PRDM16: variants seen among roughly 807,000 people sequenced by gnomAD.
The protein encoded by PRDM16 is histone-lysine N-methyltransferase PRDM16.
PRDM16 carries 23 observed loss-of-function variants against 110.6 expected under a neutral mutation model. That is an observed-to-expected ratio of 0.21 (90% CI 0.15 to 0.29). The LOEUF (loss-of-function observed/expected upper bound fraction) is 0.29. Ranked by LOEUF, PRDM16 falls within the 10% of genes least tolerant of loss-of-function variation. The pLI, the probability that PRDM16 is intolerant of heterozygous loss-of-function variation, is 1.00. For synonymous variants in PRDM16, 799 were observed against 781.8 expected (o/e 1.02, Z -0.37); for missense variants, 1,615 against 1,794.3 (o/e 0.90, Z 1.81).
chr1:3,135,565 C>G lies in PRDM16; in HGVS notation c.38-50560C>G, dbSNP rs150853505. ...TGTCCCAGCCCGACCGAGCCCTCCC[C>G]CTCCGTGGCCCGCAGGTGACACACC... is the stretch of plus-strand genomic sequence containing the variant. On this transcript the variant is annotated intron_variant, in intron 1 of 16. Transcript: ENST00000270722. Among the ~76,000 whole-genome samples the G allele has an allele frequency of 4.6e-5, 7 of 152,254 alleles. No homozygotes were observed. In the East Asian group the frequency reaches 7.8e-4, roughly 17 times the overall value.
intron 14 of PRDM16, among the ~76,000 whole-genome samples, chr1:3,426,917 G>T (rs1189328472): frequency 6.6e-6 from 1 of 152,042 alleles, no homozygotes; most frequent in African/African-American, 2.4e-5. Flanking sequence ...CCAAATACGG[G>T]CATGCACGTG....
intron 1 of PRDM16, among the ~76,000 whole-genome samples, chr1:3,176,933 C>T (rs1057513275): frequency 6.6e-6 from 1 of 152,014 alleles, no homozygotes; most frequent in African/African-American, 2.4e-5. Flanking sequence ...TCCATCCACC[C>T]ATTCATTCAC....
rs766611896 is a variant in PRDM16 at position 3,396,556 on chromosome 1, C to T, written c.639C>T (p.Gly213=). The T allele has an allele frequency of 9.3e-6, 15 of 1,604,768 alleles. No individual in the cohort carries two copies. The highest frequency in any genetic ancestry group is 4.5e-5 in the East Asian group (2 of 44,620). The change falls in exon 5 of 17, where the codon GGC becomes GGT. Residue 213 remains glycine (G), a synonymous_variant. Transcript: ENST00000270722. The part of the protein sequence containing the change: ...GEELLVHVKE[G]VYPLGTVPPG... ...AGCTGCTGGTGCACGTGAAGGAAGG[C>T]GTCTACCCCCTGGGCACAGTGCCGC... is the stretch of plus-strand genomic sequence containing the variant.
intron 1 of PRDM16, among the ~76,000 whole-genome samples, chr1:3,154,655 C>A (rs151098938): frequency 1.5e-4 from 23 of 152,256 alleles, no homozygotes; most frequent in African/African-American, 5.5e-4. Flanking sequence ...CGCAGTCGGC[C>A]GGGCATCCTG....
chr1:3,303,295 A>G (rs1313887173), intron 3 of PRDM16, among the ~76,000 whole-genome samples: 1 of 151,662 alleles, frequency 6.6e-6, no homozygotes, highest in Non-Finnish European at 1.5e-5. Context: ...CCTCTTCCAG[A>G]CATTTCCTGT....
At chr1:3,129,908 C>T (rs1431327598) in intron 1 of PRDM16, among the ~76,000 whole-genome samples, 1 of 152,192 alleles carries the variant, frequency 6.6e-6, no homozygotes, top group African/African-American at 2.4e-5. Flanking sequence ...CTTTTGCTTT[C>T]CCTCTTCCCA....
At chr1:3,070,898 C>T (rs1055960506) in intron 1 of PRDM16, among the ~76,000 whole-genome samples, 1 of 152,236 alleles carries the variant, frequency 6.6e-6, no homozygotes, top group Non-Finnish European at 1.5e-5. Context: ...CGCTCCGCTG[C>T]CGGGTGCCCT....
intron 4 of PRDM16, chr1:3,394,601 G>T (rs1038783756): frequency 4.1e-5 from 15 of 363,778 alleles, no homozygotes; most frequent in Admixed American, 2.1e-4. Context: ...CTCGCCCGCT[G>T]ACCCTCCTCT....
chr1:3,210,508 G>A (rs577363687), intron 2 of PRDM16, among the ~76,000 whole-genome samples: 7 of 152,366 alleles, frequency 4.6e-5, no homozygotes, highest in Admixed American at 2.0e-4. Flanking sequence ...GTCTGTGCAC[G>A]CGTGTGACTT....
At chr1:3,256,773 C>G (rs969593751) in intron 3 of PRDM16, among the ~76,000 whole-genome samples, 4 of 152,110 alleles carry the variant, frequency 2.6e-5, no homozygotes, top group African/African-American at 9.7e-5. Flanking sequence ...AGGAGAATGG[C>G]GTGAACCCAG....
chr1:3,244,049 A>T lies in PRDM16; in HGVS notation c.388-38A>T, dbSNP rs1206048248. 1 of 1,607,158 alleles carries T rather than the reference A, an allele frequency of 6.2e-7. No individual in the cohort carries two copies. The highest frequency in any genetic ancestry group is 1.3e-5 in the African/African-American group (1 of 74,778). ...ACCCAGTGTAGCTTGAGAATGTTTT[A>T]TCAGAAACTAACAACCCCTCTCAAA... On this transcript the variant is annotated intron_variant, in intron 2 of 16. Transcript: ENST00000270722. The surrounding 1 kb of genome is among the most constrained non-coding windows in gnomAD (Gnocchi z 4.1).
chr1:3,086,021 T>C (rs1314407734), intron 1 of PRDM16, among the ~76,000 whole-genome samples: 2 of 152,256 alleles, frequency 1.3e-5, no homozygotes, highest in African/African-American at 4.8e-5. Context: ...GGCACCTTCC[T>C]TTGGCCTAAG....
intron 3 of PRDM16, among the ~76,000 whole-genome samples, chr1:3,310,568 G>A (rs1307452168): frequency 1.3e-5 from 2 of 152,118 alleles, no homozygotes; most frequent in African/African-American, 4.8e-5. Context: ...CGTGCCTGGG[G>A]AGAGAATGTT....
In PRDM16 at chr1:3,425,735, C is replaced by T; in HGVS notation, c.3094C>T (p.His1032Tyr). Residue 1032 changes from histidine (H) to tyrosine (Y), a missense_variant, in exon 13 of 17, where the codon CAC (histidine) becomes TAC (tyrosine). His to Tyr is a moderately conservative substitution (Grantham distance 83). Transcript: ENST00000270722. This position sits in a 1 kb window ranked among gnomAD's most constrained non-coding sequence, Gnocchi z 6.9. Reference protein sequence around the residue: ...NLDRHLKKHEHENAPVSQHPG... With the variant: ...NLDRHLKKHEYENAPVSQHPG... ...GGACCGGCACCTCAAGAAGCACGAG[C>T]ACGAGAACGCACCAGGTGGGCCACG... is the stretch of plus-strand genomic sequence containing the variant. 6.2e-7 allele frequency: 1 copy of T among 1,613,646 alleles called. No individual in the cohort carries two copies. Among genetic ancestry groups the T allele is most frequent in the Non-Finnish European group, 8.5e-7 (1 of 1,179,938 alleles).
intron 2 of PRDM16, among the ~76,000 whole-genome samples, chr1:3,215,780 C>T (rs915310289): frequency 6.6e-6 from 1 of 152,152 alleles, no homozygotes; most frequent in Admixed American, 6.5e-5. Context: ...TCAGCTCTCA[C>T]AAATTCTGCC....
intron 3 of PRDM16, among the ~76,000 whole-genome samples, chr1:3,323,044 C>T (rs1641797544): frequency 6.6e-6 from 1 of 152,226 alleles, no homozygotes; most frequent in South Asian, 2.1e-4. Context: ...GCTTCTGCGA[C>T]ACCCGAGCAC....
Position 3,100,036 on chromosome 1 carries a change from C to T in PRDM16, c.37+30740C>T, listed in dbSNP as rs568684337. 2.0e-5 allele frequency among the ~76,000 whole-genome samples: 3 copies of T among 152,278 alleles called. No homozygotes were observed. The East Asian group carries it at 5.8e-4, about 29-fold the overall frequency. ...TGAGGGAGCCGTAGAGGAGCCTGCT[C>T]CTCTAAGCCCTGTCCTCTGAGGGGC... On this transcript the variant is annotated intron_variant, in intron 1 of 16. Transcript: ENST00000270722.
intron 1 of PRDM16, among the ~76,000 whole-genome samples, chr1:3,110,320 G>A (rs1463672409): frequency 1.4e-5 from 2 of 144,642 alleles, no homozygotes; most frequent in Non-Finnish European, 3.0e-5. Context: ...TCCTGGGTGT[G>A]GGGACACAGT....
At chr1:3,348,018 G>A (rs544435518) in intron 3 of PRDM16, among the ~76,000 whole-genome samples, 4 of 151,094 alleles carry the variant, frequency 2.6e-5, no homozygotes, top group South Asian at 4.2e-4. Flanking sequence ...TGCTTTGGCC[G>A]AGGCTAGAAC....
Sources: gnomAD v4.1 joint callset for allele counts (sites outside exome capture counted in the v4.1 genomes callset) on GRCh38, gnomAD v4.1.1 for gene constraint, Gnocchi (gnomAD v3.1) non-coding constraint, MANE v1.5 for transcripts, NCBI Gene and HGNC (gene_info 2026-07-23, HGNC 2026-07-21) for gene names.